MTHFD2L: variants seen among roughly 807,000 people sequenced by gnomAD.
MTHFD2L encodes bifunctional methylenetetrahydrofolate dehydrogenase/cyclohydrolase 2, mitochondrial.
Under a neutral mutation model 34.9 loss-of-function variants are expected in MTHFD2L, and 29 were observed. The ratio of observed to expected loss-of-function variants is 0.83; its 90% confidence interval spans 0.62 to 1.13. MTHFD2L has a LOEUF of 1.13. Ranked by LOEUF, MTHFD2L falls within the 50% of genes most tolerant of loss-of-function variation. The pLI is 0.00. For missense variants in MTHFD2L, 481 were observed against 446.5 expected, an observed-to-expected ratio of 1.08 and a Z score of -0.70; for synonymous variants, 167 against 155.7, an observed-to-expected ratio of 1.07 and a Z score of -0.54.
chr4:74,189,485 C>CTTTTT (rs55665552), intron 3 of MTHFD2L, among the ~76,000 whole-genome samples: 1 of 119,824 alleles, frequency 8.3e-6, no homozygotes, highest in African/African-American at 4.1e-5. Flanking sequence ...GTTTTTCTTC[C>CTTTTT]TTTTTTTTTT....
chr4:74,154,578 C>T (rs1428402202), upstream of MTHFD2L, among the ~76,000 whole-genome samples: 1 of 152,068 alleles, frequency 6.6e-6, no homozygotes, highest in Non-Finnish European at 1.5e-5. Context: ...CATCTTTGGG[C>T]ATGAGGAACC....
intron 1 of MTHFD2L, among the ~76,000 whole-genome samples, chr4:74,141,253 G>A (rs1448916314): frequency 6.6e-6 from 1 of 152,158 alleles, no homozygotes; most frequent in Non-Finnish European, 1.5e-5. Flanking sequence ...CTTAAGCAGG[G>A]TTGATTACTA....
intron 5 of MTHFD2L, among the ~76,000 whole-genome samples, chr4:74,213,512 G>T (rs1348562860): frequency 6.6e-6 from 1 of 152,298 alleles, no homozygotes; most frequent in African/African-American, 2.4e-5. Flanking sequence ...CTCTAAGAAT[G>T]TTGAATATTT....
chr4:74,119,683 T>C (rs1477650426), upstream of MTHFD2L, among the ~76,000 whole-genome samples: 2 of 151,868 alleles, frequency 1.3e-5, no homozygotes, highest in Non-Finnish European at 2.9e-5. Flanking sequence ...CTCAGGAGGC[T>C]GAAGCAGGAG....
chr4:74,124,755 T>C (rs1360681732), upstream of MTHFD2L, among the ~76,000 whole-genome samples: 4 of 152,146 alleles, frequency 2.6e-5, no homozygotes, highest in Non-Finnish European at 5.9e-5. Context: ...AGTACCACAA[T>C]GCCAGTGCAT....
chr4:74,199,615 T>G (rs1428433001), intron 3 of MTHFD2L, among the ~76,000 whole-genome samples, 179 bp from the exon 4 acceptor site: 1 of 151,976 alleles, frequency 6.6e-6, no homozygotes, highest in Admixed American at 6.6e-5. Flanking sequence ...CAGCCATCAG[T>G]CAAGAGCACT....
chr4:74,250,144 G>A (rs558875009), intron 6 of MTHFD2L, among the ~76,000 whole-genome samples: 75 of 152,140 alleles, frequency 4.9e-4, no homozygotes, highest in African/African-American at 1.5e-3. Context: ...GTCTTTTCAC[G>A]TAGTCCCATA....
chr4:74,287,754 A>C (rs1164242040), intron 7 of MTHFD2L, among the ~76,000 whole-genome samples: 2 of 152,144 alleles, frequency 1.3e-5, no homozygotes, highest in Non-Finnish European at 2.9e-5. Flanking sequence ...CTCAAAAAAT[A>C]AGATAATTTG....
intron 7 of MTHFD2L, among the ~76,000 whole-genome samples, chr4:74,287,264 A>C (rs1471186399): frequency 1.3e-5 from 2 of 152,172 alleles, no homozygotes; most frequent in African/African-American, 4.8e-5. Flanking sequence ...TTATGCACTT[A>C]AACTTGTTTT....
chr4:74,131,278 A>G (rs543092630), intron 1 of MTHFD2L, among the ~76,000 whole-genome samples: 7 of 152,252 alleles, frequency 4.6e-5, no homozygotes, highest in Admixed American at 6.5e-5. Context: ...TATAGCCCAG[A>G]CAATCCTAAA....
Position 74,187,703 on chromosome 4 carries a change from A to G in MTHFD2L, c.452-12091A>G, listed in dbSNP as rs1369806956. Among the ~76,000 whole-genome samples, 4 of 151,666 alleles carry G rather than the reference A, an allele frequency of 2.6e-5. No homozygotes were observed. The East Asian group carries it at 7.8e-4, about 29-fold the overall frequency. ...AATGGTACATTTTGGAAAACTGGAAAATAGTTTGGCAGTATCTTAAAACGT... is the reference window on the plus strand; with the variant it reads ...AATGGTACATTTTGGAAAACTGGAAGATAGTTTGGCAGTATCTTAAAACGT... On this transcript the variant is annotated intron_variant, in intron 3 of 7. Transcript: ENST00000325278.
At chr4:74,276,521 A>G (rs2110261473) in intron 6 of MTHFD2L, among the ~76,000 whole-genome samples, 1 of 152,246 alleles carries the variant, frequency 6.6e-6, no homozygotes, top group Non-Finnish European at 1.5e-5. Context: ...TTCATTTTCA[A>G]CTCTAACAAA....
intron 6 of MTHFD2L, among the ~76,000 whole-genome samples, chr4:74,247,880 G>T (rs1263290431): frequency 6.6e-6 from 1 of 152,148 alleles, no homozygotes; most frequent in African/African-American, 2.4e-5. Flanking sequence ...GATTCGGTTT[G>T]CCAGTATTTT....
intron 6 of MTHFD2L, among the ~76,000 whole-genome samples, chr4:74,226,691 A>T (rs1029367667): frequency 6.6e-6 from 1 of 152,150 alleles, no homozygotes; most frequent in South Asian, 2.1e-4. Context: ...AATTCATTCA[A>T]TTGAATACTA....
intron 3 of MTHFD2L, among the ~76,000 whole-genome samples, chr4:74,188,308 G>C (rs1211595235): frequency 6.6e-6 from 1 of 152,174 alleles, no homozygotes; most frequent in Non-Finnish European, 1.5e-5. Context: ...GCATGGTTGG[G>C]TTCTAGTGAG....
At chr4:74,119,102 T>C (rs1049998015), upstream of MTHFD2L, among the ~76,000 whole-genome samples, 2 of 152,208 alleles carry the variant, frequency 1.3e-5, no homozygotes, top group East Asian at 3.8e-4. Flanking sequence ...AGGTGATAAT[T>C]CAGCTGCATC....
At position 74,201,390 on chromosome 4, in the gene MTHFD2L, T is replaced by C; in HGVS notation, c.712+20T>C. The C allele has an allele frequency of 6.5e-7, 1 of 1,535,320 alleles. No individual in the cohort carries two copies. The highest frequency in any genetic ancestry group is 9.0e-7 in the Non-Finnish European group (1 of 1,112,246). On this transcript the variant is annotated intron_variant, in intron 5 of 7. Transcript: ENST00000325278. ...CAGGAGGTAGGTAGAACCTTGCAGA[T>C]TCTACACTCTCTCGCAGTATTCTTA...
At chr4:74,208,229 G>T (rs1455920881) in intron 5 of MTHFD2L, among the ~76,000 whole-genome samples, 1 of 152,210 alleles carries the variant, frequency 6.6e-6, no homozygotes, top group Non-Finnish European at 1.5e-5. Flanking sequence ...CTGTAGAAAA[G>T]AGCAAATGAT....
chr4:74,136,888 G>A (rs554331275), intron 1 of MTHFD2L, among the ~76,000 whole-genome samples: 6 of 152,190 alleles, frequency 3.9e-5, no homozygotes, highest in Admixed American at 3.9e-4. Flanking sequence ...CTTTTCAATA[G>A]GTGGTGCTGA....
Sources: allele counts gnomAD v4.1 joint callset (sites outside exome capture counted in the v4.1 genomes callset), GRCh38; gene constraint gnomAD v4.1.1; transcripts MANE v1.5; gene names NCBI Gene and HGNC (gene_info 2026-07-23, HGNC 2026-07-21).